The following PITPNA variants were observed in gnomAD, a reference collection of about 807,000 sequenced individuals.
PITPNA encodes the protein phosphatidylinositol transfer protein alpha isoform.
Under a neutral mutation model 50.3 loss-of-function variants are expected in PITPNA, and 13 were observed. That is an observed-to-expected ratio of 0.26 (90% CI 0.17 to 0.41). The LOEUF is 0.41. Ranked by LOEUF, PITPNA falls within the 10% of genes least tolerant of loss-of-function variation. The probability of loss-of-function intolerance (pLI) is 1.00; values close to 1 mark genes in which losing one functional copy is unlikely to be tolerated. For missense variants in PITPNA, 207 were observed against 333.4 expected, an observed-to-expected ratio of 0.62 and a Z score of 2.95; for synonymous variants, 120 against 119.6, an observed-to-expected ratio of 1.00 and a Z score of -0.02.
At chr17:1,561,131 A>ATG (rs1555532737) in intron 1 of PITPNA, 4 of 149,188 alleles carry the variant, frequency 2.7e-5, no homozygotes, top group African/African-American at 7.8e-5. Context: ...ACACACGCAC[A>ATG]CGCACACACA....
intron 10 of PITPNA, among the ~76,000 whole-genome samples, chr17:1,525,142 A>C (rs1325033296): frequency 6.6e-6 from 1 of 151,740 alleles, no homozygotes; most frequent in Non-Finnish European, 1.5e-5. Flanking sequence ...AGTGCACACC[A>C]CCACGCCTGG....
At chr17:1,538,655 C>T (rs2075631551) in intron 7 of PITPNA, 1 of 484,610 alleles carries the variant, frequency 2.1e-6, no homozygotes, top group East Asian at 3.5e-5. Context: ...TTTTCAGAGG[C>T]CAAACAGGGC....
intron 5 of PITPNA, among the ~76,000 whole-genome samples, chr17:1,542,631 G>A (rs139732805): frequency 6.9e-4 from 105 of 152,290 alleles, no homozygotes; most frequent in African/African-American, 2.3e-3. Flanking sequence ...GAGAAACCCC[G>A]CTGACTTCAC....
At chr17:1,543,073 G>C in intron 4 of PITPNA, 46 bp from the exon 5 acceptor site, 1 of 1,494,252 alleles carries the variant, frequency 6.7e-7, no homozygotes, top group Non-Finnish European at 9.1e-7. Flanking sequence ...AAAGATTAAT[G>C]AAGATGAAGA....
intron 4 of PITPNA, among the ~76,000 whole-genome samples, chr17:1,544,862 C>T (rs1164885586): frequency 6.6e-6 from 1 of 152,104 alleles, no homozygotes; most frequent in Non-Finnish European, 1.5e-5. Context: ...AGGAGGAGGA[C>T]CCCACAGCCC....
chr17:1,525,869 T>C (rs1431405256), intron 10 of PITPNA, among the ~76,000 whole-genome samples: 1 of 152,198 alleles, frequency 6.6e-6, no homozygotes, highest in Non-Finnish European at 1.5e-5. Flanking sequence ...TGGAATTAGA[T>C]GCATTTGTGT....
chr17:1,546,227 C>G (rs893545193), intron 4 of PITPNA, among the ~76,000 whole-genome samples: 2 of 152,100 alleles, frequency 1.3e-5, no homozygotes, highest in African/African-American at 4.8e-5. Flanking sequence ...CCGTGCCCGA[C>G]CCTGTCTTTT....
At chr17:1,529,159 G>GAGAGAA (rs2075566576) in intron 10 of PITPNA, among the ~76,000 whole-genome samples, 2 of 136,646 alleles carry the variant, frequency 1.5e-5, no homozygotes, top group Non-Finnish European at 3.2e-5. Context: ...AAAAAAAAGA[G>GAGAGAA]AGAGAGAGAC....
intron 4 of PITPNA, among the ~76,000 whole-genome samples, chr17:1,547,534 C>T (rs1401603283): frequency 6.6e-6 from 1 of 151,648 alleles, no homozygotes; most frequent in Non-Finnish European, 1.5e-5. Context: ...CCTGTAATTC[C>T]AGCTACTTGT....
intron 10 of PITPNA, among the ~76,000 whole-genome samples, chr17:1,532,399 CA>C (rs2151004894): frequency 6.8e-6 from 1 of 147,242 alleles, no homozygotes; most frequent in South Asian, 2.1e-4. Flanking sequence ...GAAAGATTTT[CA>C]AAAGGGTCTG....
Position 1,549,636 on chromosome 17 carries a change from T to A in PITPNA, c.198-1249A>T, listed in dbSNP as rs1473270702. Reference sequence around the variant, plus strand: ...CCTGGCCTAGAAAGATTTTTTAAAATTAAAATGAAAATGGTACATATATTC... The same window carrying A: ...CCTGGCCTAGAAAGATTTTTTAAAAATAAAATGAAAATGGTACATATATTC... On this transcript the variant is annotated intron_variant, in intron 3 of 11. Coordinates refer to ENST00000313486, the MANE Select transcript of PITPNA (RefSeq NM_006224.4). Among the ~76,000 whole-genome samples, 3 of 144,140 alleles carry A rather than the reference T, an allele frequency of 2.1e-5. 1 individual carries two copies. Among genetic ancestry groups the A allele is most frequent in the Non-Finnish European group, 4.5e-5 (3 of 67,220 alleles). 94.6% of individuals were successfully genotyped at this position (144,140 alleles called of 152,430 possible).
rs542350938 is a variant in PITPNA, at chr17:1,521,652, C to CA, written c.769-8dup. The CA allele has an allele frequency of 2.2e-4, 352 of 1,612,226 alleles. 2 individuals are homozygous for CA. The South Asian group carries it at 3.4e-3, about 16-fold the overall frequency. ...CTGGGTCCTTTTGTCTCATCTGGAA[C>CA]AAAAAAAGCAGGACAAATGGAAGGC... On this transcript the variant is annotated splice_polypyrimidine_tract_variant and splice_region_variant and intron_variant, in intron 10 of 11. Transcript: ENST00000313486.
chr17:1,520,234 C>T lies in PITPNA; in HGVS notation c.*327G>A, dbSNP rs1475291022. The T allele has an allele frequency of 2.0e-5, 3 of 152,384 alleles. No homozygotes were observed. Among genetic ancestry groups the T allele is most frequent in the Non-Finnish European group, 4.4e-5 (3 of 68,036 alleles). The allele number at this position is 152,384 out of a possible 1,614,324, so 9.4% of individuals were successfully genotyped here. A position where few individuals can be genotyped will look rare whatever the true frequency, so the allele number is the denominator to read the frequency against. On this transcript the variant is annotated 3_prime_UTR_variant, in exon 12 of 12. Coordinates refer to ENST00000313486, the MANE Select transcript of PITPNA (RefSeq NM_006224.4). ...CAGCTATTTGAAAGACTGAAAATGT[C>T]ACTTGGAAATAAAGGTTGGGGGAAC... is the stretch of plus-strand genomic sequence containing the variant.
intron 2 of PITPNA, among the ~76,000 whole-genome samples, chr17:1,557,616 GT>G (rs2075741983): frequency 6.6e-6 from 1 of 152,140 alleles, no homozygotes. Flanking sequence ...ACAGTTTTCC[GT>G]TGTCCAAGAG....
At chr17:1,535,147 G>A (rs1260034476) in intron 9 of PITPNA, 35 bp downstream of exon 9, 12 of 1,276,148 alleles carry the variant, frequency 9.4e-6, no homozygotes, top group African/African-American at 1.5e-5. Context: ...ACACACACAC[G>A]CAGTCACTGG....
chr17:1,521,255 A>C (rs976699161), intron 11 of PITPNA, among the ~76,000 whole-genome samples: 1 of 152,194 alleles, frequency 6.6e-6, no homozygotes, highest in Non-Finnish European at 1.5e-5. Context: ...AAGGCCAGGG[A>C]GTGCCCAACA....
In PITPNA at chr17:1,562,612, TGCCCGCCGGCC is replaced by T; in HGVS notation, c.-63_-53del. ...GCGGCCCGCCCGGCCTCCCGCCCGC[TGCCCGCCGGCC>T]GCTCTCCCCGTGGCCCGGCCCGGCC... On this transcript the variant is annotated 5_prime_UTR_variant, in exon 1 of 12. Coordinates refer to ENST00000313486, the MANE Select transcript of PITPNA (RefSeq NM_006224.4). The surrounding 1 kb of genome is among the most constrained non-coding windows in gnomAD (Gnocchi z 6.4). 8.3e-7 allele frequency: 1 copy of T among 1,199,448 alleles called. No homozygotes were observed. The highest frequency in any genetic ancestry group is 1.0e-6 in the Non-Finnish European group (1 of 963,554). The allele number at this position is 1,199,448 out of a possible 1,614,324, so 74.3% of individuals were successfully genotyped here.
intron 4 of PITPNA, among the ~76,000 whole-genome samples, chr17:1,543,709 G>A (rs2075659521): frequency 6.6e-6 from 1 of 152,150 alleles, no homozygotes; most frequent in Non-Finnish European, 1.5e-5. Flanking sequence ...CTCCAGAACT[G>A]AAGTTAAGGT....
At chr17:1,524,208 C>T (rs556218251) in intron 10 of PITPNA, among the ~76,000 whole-genome samples, 1 of 151,584 alleles carries the variant, frequency 6.6e-6, no homozygotes, top group East Asian at 2.0e-4. Context: ...ACACGCCCGG[C>T]TAATTTTTTG....
Sources: gnomAD v4.1 joint callset for allele counts (sites outside exome capture counted in the v4.1 genomes callset) on GRCh38, gnomAD v4.1.1 for gene constraint, Gnocchi (gnomAD v3.1) non-coding constraint, MANE v1.5 for transcripts, NCBI Gene and HGNC (gene_info 2026-07-23, HGNC 2026-07-21) for gene names.